PDE1A: variants seen among roughly 807,000 people sequenced by gnomAD.
PDE1A encodes the protein phosphodiesterase 1A.
In PDE1A, 35 loss-of-function variants were observed where a neutral mutation model predicts 61.7. The ratio of observed to expected loss-of-function variants is 0.57; its 90% CI spans 0.43 to 0.75. PDE1A has a LOEUF of 0.75. PDE1A is among the 30% of genes least tolerant of loss of function. The pLI, the probability that PDE1A is intolerant of heterozygous loss-of-function variation, is 0.00. For synonymous variants in PDE1A, 232 were observed against 213.2 expected, an observed-to-expected ratio of 1.09 and a Z score of -0.77; for missense variants, 597 against 630.6, an observed-to-expected ratio of 0.95 and a Z score of 0.57.
intron 7 of PDE1A, among the ~76,000 whole-genome samples, chr2:182,208,140 C>T (rs1003203408): frequency 1.3e-5 from 2 of 152,156 alleles, no homozygotes; most frequent in African/African-American, 4.8e-5. Flanking sequence ...CTCACTGGGG[C>T]ACTGCCTAGT....
At position 182,192,118 on chromosome 2, in the gene PDE1A, G is replaced by A. The variant is rs946257168; in HGVS notation, c.1126-3058C>T. 1.2e-4 allele frequency among the ~76,000 whole-genome samples: 18 copies of A among 152,000 alleles called. 1 individual carries two copies. Among genetic ancestry groups the A allele is most frequent in the Middle Eastern group, 3.2e-3 (1 of 316 alleles). ...GTAGTCCCTCTGCCTCAGCCTCCCA[G>A]AGTGCTAGGATTACTGGCGTGAGCC... On this transcript the variant is annotated intron_variant, in intron 10 of 13. Coordinates refer to ENST00000351439, the Ensembl canonical transcript of PDE1A.
chr2:182,346,151 T>C (rs1698505754), intron 1 of PDE1A, among the ~76,000 whole-genome samples: 1 of 152,206 alleles, frequency 6.6e-6, no homozygotes, highest in Non-Finnish European at 1.5e-5. Flanking sequence ...AGCATTTATC[T>C]ATTCTAGTTG....
chr2:182,275,796 A>G (rs1462388746), intron 1 of PDE1A, among the ~76,000 whole-genome samples: 1 of 152,102 alleles, frequency 6.6e-6, no homozygotes, highest in East Asian at 1.9e-4. Flanking sequence ...AACATTGCCT[A>G]TGTATATCTA....
intron 2 of PDE1A, among the ~76,000 whole-genome samples, chr2:182,509,702 G>A (rs894644721): frequency 6.6e-6 from 1 of 152,132 alleles, no homozygotes; most frequent in African/African-American, 2.4e-5. Context: ...CAATTATAAA[G>A]TATGATTACT....
At chr2:182,626,586 T>C in the PDE1A span, among the ~76,000 whole-genome samples, 1 of 149,834 alleles carries the variant, frequency 6.7e-6, no homozygotes, top group African/African-American at 2.5e-5. Flanking sequence ...CTGGAGAACA[T>C]TATATAAATA....
chr2:182,627,432 A>ACATC, the PDE1A span, among the ~76,000 whole-genome samples: 1 of 128,166 alleles, frequency 7.8e-6, no homozygotes, highest in Non-Finnish European at 1.6e-5. Flanking sequence ...ATATTTAAAT[A>ACATC]TATATATATA....
At chr2:182,319,177 G>A (rs1225306683) in intron 1 of PDE1A, among the ~76,000 whole-genome samples, 4 of 152,080 alleles carry the variant, frequency 2.6e-5, no homozygotes, top group African/African-American at 2.4e-5. Context: ...TTCTGTAAGA[G>A]GATCTACTGA....
chr2:182,453,783 T>C (rs1253386500), intron 2 of PDE1A, among the ~76,000 whole-genome samples: 1 of 152,102 alleles, frequency 6.6e-6, no homozygotes, highest in Non-Finnish European at 1.5e-5. Context: ...TAATAAGAGC[T>C]ATCTATGAAA....
At chr2:182,595,431 CTG>C in the PDE1A span, among the ~76,000 whole-genome samples, 1 of 152,134 alleles carries the variant, frequency 6.6e-6, no homozygotes, top group East Asian at 1.9e-4. Flanking sequence ...CCCTAGCAAA[CTG>C]AGAAATTTAT....
intron 2 of PDE1A, among the ~76,000 whole-genome samples, chr2:182,518,943 T>A (rs1020963883): frequency 5.7e-4 from 86 of 152,194 alleles, no homozygotes; most frequent in African/African-American, 2.0e-3. Flanking sequence ...TTTAATTTTT[T>A]AATAAAATCC....
At chr2:182,584,550 TGTAA>T in the PDE1A span, among the ~76,000 whole-genome samples, 2 of 152,236 alleles carry the variant, frequency 1.3e-5, no homozygotes, top group African/African-American at 2.4e-5. Context: ...AGATGATGTG[TGTAA>T]GTGAGACAGA....
the PDE1A span, among the ~76,000 whole-genome samples, chr2:182,642,197 T>A: frequency 2.0e-5 from 3 of 152,310 alleles, no homozygotes; most frequent in African/African-American, 7.2e-5. Context: ...TGTAATATAA[T>A]AAGAAATATT....
chr2:182,531,073 A>T, the PDE1A span, among the ~76,000 whole-genome samples: 5 of 152,056 alleles, frequency 3.3e-5, no homozygotes, highest in African/African-American at 1.2e-4. Context: ...GATTTTTATA[A>T]GCTATGCATA....
chr2:182,235,175 G>A (rs1463272925), intron 3 of PDE1A, among the ~76,000 whole-genome samples: 8 of 152,026 alleles, frequency 5.3e-5, no homozygotes, highest in African/African-American at 1.4e-4. Flanking sequence ...ACAGAGTCTC[G>A]CTCTGTTGCC....
At chr2:182,454,650 C>G (rs974241367) in intron 2 of PDE1A, among the ~76,000 whole-genome samples, 36 of 151,544 alleles carry the variant, frequency 2.4e-4, no homozygotes, top group South Asian at 1.5e-3. Flanking sequence ...ACAAACCTGA[C>G]AAAAACAAGC....
chr2:182,193,777 T>C (rs1685907047), intron 10 of PDE1A, among the ~76,000 whole-genome samples: 1 of 152,154 alleles, frequency 6.6e-6, no homozygotes, highest in Admixed American at 6.6e-5. Flanking sequence ...CCTGGTGTAA[T>C]CGGTGTTTAT....
At chr2:182,621,647 T>C in the PDE1A span, among the ~76,000 whole-genome samples, 1 of 152,224 alleles carries the variant, frequency 6.6e-6, no homozygotes, top group Non-Finnish European at 1.5e-5. Flanking sequence ...TTGAATGTGT[T>C]GTCATAGTTT....
the PDE1A span, among the ~76,000 whole-genome samples, chr2:182,665,821 G>A: frequency 6.4e-3 from 971 of 152,164 alleles, 9 homozygotes; most frequent in African/African-American, 0.021. Context: ...CAACCCAAAC[G>A]CCCATTAATG....
At chr2:182,238,266 C>CAAAAAATAAAAAAAAAAA (rs1690210076) in intron 3 of PDE1A, among the ~76,000 whole-genome samples, 1 of 98,104 alleles carries the variant, frequency 1.0e-5, no homozygotes, top group Admixed American at 1.2e-4. Flanking sequence ...CAGACTACGT[C>CAAAAAATAAAAAAAAAAA]AAAAAAAAAA....
Sources: gnomAD v4.1 joint callset for allele counts (sites outside exome capture counted in the v4.1 genomes callset) on GRCh38, gnomAD v4.1.1 for gene constraint, MANE v1.5 for transcripts, NCBI Gene and HGNC (gene_info 2026-07-23, HGNC 2026-07-21) for gene names.